Variants in SLC25A32 observed in about 807,000 individuals in gnomAD.
SLC25A32 encodes the protein Glycine auxotroph B, complementation of hamster.
SLC25A32 carries 32 observed loss-of-function variants against 39.0 expected under a neutral mutation model. The ratio of observed to expected loss-of-function variants is 0.82; its 90% CI spans 0.62 to 1.10. SLC25A32 has a LOEUF of 1.10. Among genes scored for constraint, SLC25A32 ranks in the 50% least tolerant of loss-of-function variants. SLC25A32 has a pLI of 0.00. For synonymous variants in SLC25A32, 166 were observed against 152.4 expected, an observed-to-expected ratio of 1.09 and a Z score of -0.66; for missense variants, 367 against 395.3, an observed-to-expected ratio of 0.93 and a Z score of 0.61.
intron 1 of SLC25A32, among the ~76,000 whole-genome samples, chr8:103,409,135 T>C (rs1233622093): frequency 6.6e-6 from 1 of 152,216 alleles, no homozygotes; most frequent in Non-Finnish European, 1.5e-5. Context: ...ACAGTATCAA[T>C]TATTTACTGC....
At chr8:103,407,258 T>G (rs953743188) in intron 2 of SLC25A32, among the ~76,000 whole-genome samples, 1 of 152,236 alleles carries the variant, frequency 6.6e-6, no homozygotes, top group African/African-American at 2.4e-5. Context: ...TTAATATGTA[T>G]TTAGCTTACA....
chr8:103,401,718 G>T (rs1816223048), intron 5 of SLC25A32, 57 bp from the exon 6 acceptor site: 7 of 1,436,530 alleles, frequency 4.9e-6, no homozygotes, highest in African/African-American at 2.9e-5. Flanking sequence ...TAAAAATACA[G>T]AAGTAAAAAT....
Position 103,404,843 on chromosome 8 carries a change from T to C in SLC25A32, c.324A>G (p.Ser108=), listed in dbSNP as rs1262946787. 5.0e-6 allele frequency: 8 copies of C among 1,611,604 alleles called. No homozygotes were observed. Among genetic ancestry groups the C allele is most frequent in the African/African-American group, 1.3e-5 (1 of 75,014 alleles). Residue 108 remains serine (S), a synonymous_variant, in exon 3 of 7, where the codon TCA becomes TCG. Coordinates refer to ENST00000297578, the MANE Select transcript of SLC25A32 (RefSeq NM_030780.5). The part of the protein sequence containing the change: ...LYFFFYNAIK[S]YKTEGRAERL... ...GTTCAGCTCTTCCTTCTGTTTTATA[T>C]GACTTGATGGCATTGTAACTAAAAG...
At chr8:103,407,076 T>G (rs1030068688) in intron 2 of SLC25A32, among the ~76,000 whole-genome samples, 2 of 152,204 alleles carry the variant, frequency 1.3e-5, no homozygotes, top group African/African-American at 4.8e-5. Flanking sequence ...AACCGACTGA[T>G]TCAACTTTTT....
intron 1 of SLC25A32, among the ~76,000 whole-genome samples, chr8:103,410,119 C>A (rs577336292): frequency 6.6e-6 from 1 of 152,190 alleles, no homozygotes; most frequent in Non-Finnish European, 1.5e-5. Flanking sequence ...CCATTTCTCT[C>A]TTGAGGTAAA....
chr8:103,407,735 G>A lies in SLC25A32; in HGVS notation c.204C>T (p.Cys68=). ...LRPKYNGILH[C]LTTIWKLDGL... The stretch of plus-strand genomic sequence containing the variant: ...CATCAAGTTTCCAAATGGTAGTCAA[G>A]CAATGTAAAATTCCATTATATTTCG... Residue 68 remains cysteine (C), a synonymous_variant, in exon 2 of 7, where the codon TGC becomes TGT. Coordinates refer to ENST00000297578, the MANE Select transcript of SLC25A32 (RefSeq NM_030780.5). 1 of 1,613,136 alleles carries A rather than the reference G, an allele frequency of 6.2e-7. No individual in the cohort carries two copies. The highest frequency in any genetic ancestry group is 8.5e-7 in the Non-Finnish European group (1 of 1,179,476).
chr8:103,404,082 C>G (rs1005384136), intron 3 of SLC25A32, among the ~76,000 whole-genome samples: 1 of 152,132 alleles, frequency 6.6e-6, no homozygotes, highest in African/African-American at 2.4e-5. Context: ...AGACTTACGG[C>G]TCTTACTGTT....
In SLC25A32 at chr8:103,413,089, T is replaced by A. The variant is rs542064475; in HGVS notation, c.154+1695A>T. Among the ~76,000 whole-genome samples the A allele has an allele frequency of 5.3e-5, 8 of 152,326 alleles. 1 individual carries two copies. The South Asian group carries it at 1.7e-3, about 32-fold the overall frequency. On this transcript the variant is annotated intron_variant, in intron 1 of 6. Transcript: ENST00000297578. ...AATCCAAACTCAATCCTTTTATCTG[T>A]CACCTCAGCCCCACTAGTCTCCTAA...
Position 103,401,634 on chromosome 8 carries a change from C to A in SLC25A32, c.694G>T (p.Ala232Ser), listed in dbSNP as rs771797789. The A allele has an allele frequency of 6.2e-7, 1 of 1,612,924 alleles. No homozygotes were observed. Among genetic ancestry groups the A allele is most frequent in the Admixed American group, 1.7e-5 (1 of 59,846 alleles). ...LSTVEYISVAALSKIFAVAAT... is the reference protein window; with the variant it reads ...LSTVEYISVASLSKIFAVAAT... The stretch of plus-strand genomic sequence containing the variant: ...GCGACAGCAAATATTTTGGATAGTG[C>A]TGCAACAGATATATATTCTACTGTG... The change falls in exon 6 of 7, where the codon GCA becomes TCA. Residue 232 changes from alanine (A) to serine (S), a missense_variant. By Grantham distance (99) the Ala-to-Ser change is moderately conservative. Transcript: ENST00000297578.
intron 2 of SLC25A32, 114 bp from the exon 3 acceptor site, chr8:103,404,975 C>A: frequency 1.8e-6 from 1 of 558,564 alleles, no homozygotes. Flanking sequence ...CATAATGCAA[C>A]CACAAAATGA....
At chr8:103,413,230 T>C (rs1454354231) in intron 1 of SLC25A32, among the ~76,000 whole-genome samples, 2 of 152,204 alleles carry the variant, frequency 1.3e-5, no homozygotes, top group Non-Finnish European at 2.9e-5. Context: ...CACACTATTC[T>C]TCAATGATCA....
chr8:103,410,052 T>C (rs1360689999), intron 1 of SLC25A32, among the ~76,000 whole-genome samples: 1 of 152,184 alleles, frequency 6.6e-6, no homozygotes, highest in Non-Finnish European at 1.5e-5. Flanking sequence ...CATTCTTCTG[T>C]ATAGATCCCT....
At position 103,401,975 on chromosome 8, in the gene SLC25A32, T is replaced by C. The variant is rs1816228102; in HGVS notation, c.632A>G (p.Asn211Ser). 3.1e-6 allele frequency: 5 copies of C among 1,613,286 alleles called. No individual in the cohort carries two copies. The South Asian group carries it at 3.3e-5, about 11-fold the overall frequency. ...MAYELLKLKY[N>S]QHINRLPEAQ... is the part of the protein sequence containing the mutation. ...TTCTGGTAATCTATTGATATGCTGG[T>C]TGTACTTCAACTTCAGCAATTCATA... Residue 211 changes from asparagine to serine, a missense_variant, in exon 5 of 7, where the codon AAC becomes AGC. By Grantham distance (46) the Asn-to-Ser change is conservative. Transcript: ENST00000297578.
intron 1 of SLC25A32, among the ~76,000 whole-genome samples, chr8:103,411,982 T>C (rs571141810): frequency 6.6e-6 from 1 of 152,360 alleles, no homozygotes; most frequent in African/African-American, 2.4e-5. Context: ...CTTTCTGAGC[T>C]TGAATCCCAG....
intron 1 of SLC25A32, among the ~76,000 whole-genome samples, chr8:103,411,752 T>A (rs3134289): frequency 0.5 from 76,598 of 151,998 alleles, 20,044 homozygotes; most frequent in African/African-American, 0.66. Context: ...TCCCTGTGCT[T>A]CTAGTCCTGG....
At chr8:103,400,683 A>G in intron 6 of SLC25A32, 137 bp from the exon 7 acceptor site, 1 of 867,254 alleles carries the variant, frequency 1.2e-6, no homozygotes, top group East Asian at 2.4e-5. Flanking sequence ...TCAATGTCCT[A>G]AAGTAATGTA....
At chr8:103,413,092 C>T (rs1002901778) in intron 1 of SLC25A32, among the ~76,000 whole-genome samples, 11 of 152,180 alleles carry the variant, frequency 7.2e-5, no homozygotes, top group Non-Finnish European at 1.5e-5. Context: ...TTATCTGTCA[C>T]CTCAGCCCCA....
Position 103,414,788 on chromosome 8 carries a change from G to T in SLC25A32, c.150C>A (p.Phe50Leu). 1 of 1,613,716 alleles carries T rather than the reference G, an allele frequency of 6.2e-7. No homozygotes were observed. The highest frequency in any genetic ancestry group is 8.5e-7 in the Non-Finnish European group (1 of 1,180,004). Residue 50 changes from phenylalanine (F) to leucine (L), a missense_variant, in exon 1 of 7, where the codon TTC becomes TTA. Coordinates refer to ENST00000297578, the MANE Select transcript of SLC25A32 (RefSeq NM_030780.5). ...LHPLDLVKIR[F>L]AVSDGLELRP... ...GGTGTCTGGGCGGGCTCTTACCGGC[G>T]AAGCGGATCTTCACGAGGTCGAGCG... is the stretch of plus-strand genomic sequence containing the variant.
At chr8:103,412,481 A>T (rs1486209816) in intron 1 of SLC25A32, among the ~76,000 whole-genome samples, 1 of 152,208 alleles carries the variant, frequency 6.6e-6, no homozygotes, top group Non-Finnish European at 1.5e-5. Flanking sequence ...TAATACAAGA[A>T]TATCTTCTAA....
Sources: gnomAD v4.1 joint callset for allele counts (sites outside exome capture counted in the v4.1 genomes callset) on GRCh38, gnomAD v4.1.1 for gene constraint, MANE v1.5 for transcripts, NCBI Gene and HGNC (gene_info 2026-07-23, HGNC 2026-07-21) for gene names.